The following MAST1 variants were observed in gnomAD, a reference collection of about 807,000 sequenced individuals.
MAST1 encodes the protein microtubule associated serine/threonine kinase 1.
Under a neutral mutation model 124.6 loss-of-function variants are expected in MAST1, and 40 were observed. The observed-to-expected ratio is 0.32, with a 90% confidence interval of 0.25 to 0.42. The LOEUF (loss-of-function observed/expected upper bound fraction) is 0.42, where lower values mean the gene tolerates loss of function less well. MAST1 is among the 10% of genes least tolerant of loss of function. The pLI is 1.00. For missense variants in MAST1, 1,558 were observed against 2,181.9 expected (o/e 0.71, Z 5.70); for synonymous variants, 938 against 939.4 (o/e 1.00, Z 0.03).
chr19:12,838,708 G>C lies in MAST1; in HGVS notation c.83+53G>C, dbSNP rs1969790040. 2 of 1,547,824 alleles carry C rather than the reference G, an allele frequency of 1.3e-6. No homozygotes were observed. The highest frequency in any genetic ancestry group is 2.3e-5 in the East Asian group (1 of 43,422). On this transcript the variant is annotated intron_variant, in intron 1 of 25. Coordinates refer to ENST00000251472, the MANE Select transcript of MAST1 (RefSeq NM_014975.3). This position sits in a 1 kb window ranked among gnomAD's most constrained non-coding sequence, Gnocchi z 4.3. ...CCCGGCCCTCCCCGCAAAAGCCGCCGCTCCGGGTACTGCTGCAGGGCGGGG... is the reference window on the plus strand; with the variant it reads ...CCCGGCCCTCCCCGCAAAAGCCGCCCCTCCGGGTACTGCTGCAGGGCGGGG...
chr19:12,873,411 G>T lies in MAST1; in HGVS notation c.3351G>T (p.Ser1117=). 1 of 1,613,874 alleles carries T rather than the reference G, an allele frequency of 6.2e-7. No homozygotes were observed. Among genetic ancestry groups the T allele is most frequent in the Non-Finnish European group, 8.5e-7 (1 of 1,180,000 alleles). Residue 1117 remains serine (S), a synonymous_variant, in exon 25 of 26, where the codon TCG becomes TCT. Transcript: ENST00000251472. ...TSRSLSSLNR[S]LSSSDSLPGS... ...GCTCGCTGTCGTCGCTGAACCGCTC[G>T]CTGTCATCCAGCGATAGTCTCCCGG... is the stretch of plus-strand genomic sequence containing the variant.
In MAST1 at chr19:12,841,295, C is replaced by A. The variant is rs1178466076; in HGVS notation, c.248+229C>A. 6.6e-6 allele frequency among the ~76,000 whole-genome samples: 1 copy of A among 152,240 alleles called. No homozygotes were observed. The highest frequency in any genetic ancestry group is 1.5e-5 in the Non-Finnish European group (1 of 68,038). On this transcript the variant is annotated intron_variant, in intron 3 of 25. Transcript: ENST00000251472. The surrounding 1 kb of genome is among the most constrained non-coding windows in gnomAD (Gnocchi z 4.3). ...GGGGAAGGCGGTGGGGCTCCCTTTGCGGCAGGTCGAAAGCGCGTGCGCCCT... is the reference window on the plus strand; with the variant it reads ...GGGGAAGGCGGTGGGGCTCCCTTTGAGGCAGGTCGAAAGCGCGTGCGCCCT...
chr19:12,868,518 C>A, intron 20 of MAST1, 125 bp from the exon 21 acceptor site: 1 of 791,426 alleles, frequency 1.3e-6, no homozygotes, highest in Non-Finnish European at 2.0e-6. Context: ...TGCAGGTTAC[C>A]TGCTCAGATG....
Position 12,865,219 on chromosome 19 carries a change from C to T in MAST1, c.1638+41C>T. On this transcript the variant is annotated intron_variant, in intron 14 of 25. Transcript: ENST00000251472. The surrounding 1 kb of genome is among the most constrained non-coding windows in gnomAD (Gnocchi z 7.1). ...TGGGGGTCGCTGAGGGTGGAGTGAC[C>T]CTGCAGGACCTCGGGAACCCAGGGC... 3 of 1,601,756 alleles carry T rather than the reference C, an allele frequency of 1.9e-6. No homozygotes were observed. Among genetic ancestry groups the T allele is most frequent in the Non-Finnish European group, 2.6e-6 (3 of 1,172,812 alleles).
intron 10 of MAST1, 103 bp from the exon 11 acceptor site, chr19:12,858,259 C>G: frequency 1.0e-6 from 1 of 996,364 alleles, no homozygotes; most frequent in Non-Finnish European, 1.5e-6. Context: ...GGATGAAGGA[C>G]TCTTTCATTC....
Position 12,865,677 on chromosome 19 carries a change from AAC to A in MAST1, c.1805-38_1805-37del. On this transcript the variant is annotated intron_variant, in intron 15 of 25. Coordinates refer to ENST00000251472, the MANE Select transcript of MAST1 (RefSeq NM_014975.3). The surrounding 1 kb of genome is among the most constrained non-coding windows in gnomAD (Gnocchi z 7.1). Reference sequence around the variant, plus strand: ...TGAGATCCTGTGTCCAAACAACAACAACAACAAAAACCGCCCCTAAGTTCCGT... The same window carrying A: ...TGAGATCCTGTGTCCAAACAACAACAAACAAAAACCGCCCCTAAGTTCCGT... 1 of 1,551,944 alleles carries A rather than the reference AAC, an allele frequency of 6.4e-7. No individual in the cohort carries two copies. Among genetic ancestry groups the A allele is most frequent in the Non-Finnish European group, 8.8e-7 (1 of 1,134,626 alleles).
chr19:12,863,325 A>G (rs765864405), intron 12 of MAST1, among the ~76,000 whole-genome samples: 6 of 152,070 alleles, frequency 3.9e-5, no homozygotes, highest in Non-Finnish European at 5.9e-5. Flanking sequence ...CAGTATCTCT[A>G]TGGTGGGTCT....
chr19:12,867,642 T>C lies in MAST1; in HGVS notation c.2308T>C (p.Ser770Pro). Residue 770 changes from serine (S) to proline (P), a missense_variant, in exon 19 of 26, where the codon TCT becomes CCT. Physicochemically the swap from Ser to Pro is moderately conservative, Grantham distance 74. Around this residue, in one of 10 missense-constraint regions of MAST1, gnomAD observed 287 missense variants for 308.0 expected, o/e 0.93. Transcript: ENST00000251472. ...GCGTGAGAAGACCTGGAGAGGGGGC[T>C]CTCCGGAGATGTGAGCAGGGGAATG... ...TLREKTWRGG[S>P]PEIKRFSASE... 9.4e-6 allele frequency: 15 copies of C among 1,596,428 alleles called. No individual in the cohort carries two copies. Among genetic ancestry groups the C allele is most frequent in the Non-Finnish European group, 1.3e-5 (15 of 1,172,088 alleles).
intron 12 of MAST1, among the ~76,000 whole-genome samples, chr19:12,863,783 TACCA>T (rs1455087655): frequency 2.0e-5 from 3 of 152,120 alleles, no homozygotes; most frequent in African/African-American, 7.2e-5. Context: ...GAAACTGAAA[TACCA>T]ATGCCAATTA....
rs201939350 is a variant in MAST1 at position 12,865,106 on chromosome 19, G to C, written c.1566G>C (p.Gly522=). Reference sequence around the variant, plus strand: ...CAGATTTCGGCCTCTCCAAGATGGGGCTCATGAGCCTCACCACCAACTTAT... The same window carrying C: ...CAGATTTCGGCCTCTCCAAGATGGGCCTCATGAGCCTCACCACCAACTTAT... ...KLTDFGLSKM[G]LMSLTTNLYE... Residue 522 remains glycine, a synonymous_variant, in exon 14 of 26, where the codon GGG becomes GGC. Transcript: ENST00000251472. The surrounding 1 kb of genome is among the most constrained non-coding windows in gnomAD (Gnocchi z 7.1). 1.2e-6 allele frequency: 2 copies of C among 1,614,080 alleles called. No homozygotes were observed. The highest frequency in any genetic ancestry group is 1.7e-6 in the Non-Finnish European group (2 of 1,180,020).
intron 4 of MAST1, among the ~76,000 whole-genome samples, chr19:12,844,425 G>T (rs754974882): frequency 1.3e-5 from 2 of 152,220 alleles, no homozygotes; most frequent in Non-Finnish European, 2.9e-5. Flanking sequence ...AAATATTCAC[G>T]CAGCCCTCAT....
intron 10 of MAST1, 103 bp downstream of exon 10, chr19:12,852,498 C>T (rs1969975041): frequency 1.1e-5 from 12 of 1,097,968 alleles, no homozygotes; most frequent in Non-Finnish European, 1.4e-5. Flanking sequence ...TCTCTTGGTC[C>T]TACACTCTGA....
intron 24 of MAST1, among the ~76,000 whole-genome samples, chr19:12,871,676 T>A (rs1054018344): frequency 2.6e-5 from 4 of 151,072 alleles, no homozygotes; most frequent in Non-Finnish European, 4.4e-5. Context: ...TCACAGCACT[T>A]TGGGAGGCTG....
In MAST1 at chr19:12,852,010, G is replaced by A. The variant is rs1969965930; in HGVS notation, c.851G>A (p.Arg284His). The change falls in exon 8 of 26, where the codon CGC becomes CAC. Residue 284 changes from arginine to histidine, a missense_variant. By Grantham distance (29) the Arg-to-His change is conservative. Coordinates refer to ENST00000251472, the MANE Select transcript of MAST1 (RefSeq NM_014975.3). ...LVKKLLIIIS[R>H]PARLLECLEF... ...AAGAAGTTGCTTATTATCATCTCAC[G>A]CCCTGCGAGGCTGCTGGAGTGCCTG... is the stretch of plus-strand genomic sequence containing the variant. The A allele has an allele frequency of 6.2e-7, 1 of 1,614,070 alleles. No individual in the cohort carries two copies. Among genetic ancestry groups the A allele is most frequent in the Non-Finnish European group, 8.5e-7 (1 of 1,180,030 alleles).
rs1022674776 is a variant in MAST1 at position 12,841,698 on chromosome 19, G to C, written c.248+632G>C. On this transcript the variant is annotated intron_variant, in intron 3 of 25. Coordinates refer to ENST00000251472, the MANE Select transcript of MAST1 (RefSeq NM_014975.3). This position sits in a 1 kb window ranked among gnomAD's most constrained non-coding sequence, Gnocchi z 4.3. ...TGTCTAAACACCTGCTATGTTCTTA[G>C]GAGCTGGGCGTATGGGGTCAATGAC... 6.6e-6 allele frequency among the ~76,000 whole-genome samples: 1 copy of C among 152,162 alleles called. No individual in the cohort carries two copies. The highest frequency in any genetic ancestry group is 1.5e-5 in the Non-Finnish European group (1 of 68,040).
At chr19:12,853,706 A>G (rs1426379970) in intron 10 of MAST1, among the ~76,000 whole-genome samples, 1 of 151,776 alleles carries the variant, frequency 6.6e-6, no homozygotes, top group Non-Finnish European at 1.5e-5. Context: ...CATTTCCACT[A>G]AAAATACAAA....
Position 12,847,833 on chromosome 19 carries a change from C to T in MAST1, c.565-15C>T, listed in dbSNP as rs1969914218. 2 of 1,602,484 alleles carry T rather than the reference C, an allele frequency of 1.2e-6. No individual in the cohort carries two copies. Among genetic ancestry groups the T allele is most frequent in the African/African-American group, 1.3e-5 (1 of 74,666 alleles). ...TCGGGCACAGCCCCGCGCCCCTCCT[C>T]CGTCCCTCCCGCAGGCCACTGCGCA... On this transcript the variant is annotated splice_polypyrimidine_tract_variant and intron_variant, in intron 6 of 25. Transcript: ENST00000251472. This position sits in a 1 kb window ranked among gnomAD's most constrained non-coding sequence, Gnocchi z 5.5.
chr19:12,842,971 CAT>C (rs1969850278), intron 3 of MAST1, among the ~76,000 whole-genome samples: 3 of 152,006 alleles, frequency 2.0e-5, no homozygotes, highest in Admixed American at 6.6e-5. Flanking sequence ...GTTGAGGAGT[CAT>C]GTGTGAGTGT....
intron 4 of MAST1, among the ~76,000 whole-genome samples, chr19:12,845,225 C>T (rs1323020683): frequency 6.6e-6 from 1 of 151,618 alleles, no homozygotes; most frequent in Non-Finnish European, 1.5e-5. Context: ...ATTGCTTGAA[C>T]CTGAGAACTG....
Sources: allele counts gnomAD v4.1 joint callset (sites outside exome capture counted in the v4.1 genomes callset), GRCh38; gene constraint gnomAD v4.1.1; regional missense constraint gnomAD v4.1.1; non-coding constraint Gnocchi (gnomAD v3.1); transcripts MANE v1.5; gene names NCBI Gene and HGNC (gene_info 2026-07-23, HGNC 2026-07-21).